Variants in ANKRD45 observed in about 807,000 individuals in gnomAD.
The protein encoded by ANKRD45 is ankyrin repeat domain-containing protein 45.
Under a neutral mutation model 28.1 loss-of-function variants are expected in ANKRD45, and 21 were observed. The ratio of observed to expected loss-of-function variants is 0.75; its 90% confidence interval spans 0.53 to 1.08. The LOEUF is 1.08. ANKRD45 is among the 50% of genes least tolerant of loss of function. ANKRD45 has a pLI of 0.00. For missense variants in ANKRD45, 261 were observed against 308.7 expected (o/e 0.85, Z 1.16); for synonymous variants, 86 against 103.9 (o/e 0.83, Z 1.05).
chr1:173,671,576 T>C (rs760513709), upstream of ANKRD45, among the ~76,000 whole-genome samples: 9 of 151,828 alleles, frequency 5.9e-5, no homozygotes, highest in Non-Finnish European at 1.3e-4. Context: ...TATGCCACCA[T>C]ATAAAACCCT....
the ANKRD45 span, among the ~76,000 whole-genome samples, chr1:173,677,754 C>T: frequency 2.6e-5 from 4 of 151,926 alleles, no homozygotes; most frequent in East Asian, 1.9e-4. Context: ...GAAAGATACA[C>T]GGATGTAATA....
chr1:173,627,369 G>A lies in ANKRD45; in HGVS notation c.497-210C>T, dbSNP rs146741314. Among the ~76,000 whole-genome samples the A allele has an allele frequency of 6.5e-3, 991 of 152,306 alleles. 6 individuals are homozygous for A. Among genetic ancestry groups the A allele is most frequent in the Non-Finnish European group, 0.01 (684 of 68,028 alleles). ...ACATCATATTAAGGAAAGAGGCACTGAAGAGGGTAGGAAAGACAGTTTTGA... is the reference window on the plus strand; with the variant it reads ...ACATCATATTAAGGAAAGAGGCACTAAAGAGGGTAGGAAAGACAGTTTTGA... On this transcript the variant is annotated intron_variant, in intron 3 of 5. Coordinates refer to ENST00000333279, the MANE Select transcript of ANKRD45 (RefSeq NM_198493.3).
intron 3 of ANKRD45, chr1:173,636,949 G>T (rs1353405313): frequency 6.5e-7 from 1 of 1,535,608 alleles, no homozygotes; most frequent in Admixed American, 2.0e-5. Context: ...AGATCTGGGA[G>T]CACAGGTCTC....
intron 2 of ANKRD45, among the ~76,000 whole-genome samples, chr1:173,656,729 G>C (rs1342126159): frequency 1.3e-5 from 2 of 152,018 alleles, no homozygotes; most frequent in African/African-American, 4.8e-5. Context: ...GCTCTTGCTG[G>C]AACCTCTATT....
intron 1 of ANKRD45, among the ~76,000 whole-genome samples, chr1:173,668,571 ATCT>A (rs1324709748): frequency 6.6e-6 from 1 of 152,202 alleles, no homozygotes; most frequent in East Asian, 1.9e-4. Flanking sequence ...CCAGGGCACC[ATCT>A]CAAGGAAAGA....
the ANKRD45 span, among the ~76,000 whole-genome samples, chr1:173,688,746 T>C: frequency 2.0e-5 from 3 of 146,958 alleles, 1 homozygote; most frequent in African/African-American, 7.9e-5. Context: ...TTCCTCTCTC[T>C]CTTTCTGCCT....
chr1:173,624,708 A>G, intron 5 of ANKRD45, 79 bp downstream of exon 5: 1 of 1,422,286 alleles, frequency 7.0e-7, no homozygotes, highest in Non-Finnish European at 9.6e-7. Flanking sequence ...TGTTAAAATC[A>G]GAATATCTCA....
intron 3 of ANKRD45, among the ~76,000 whole-genome samples, chr1:173,629,714 T>TAG (rs959592606): frequency 3.3e-5 from 5 of 151,442 alleles, no homozygotes; most frequent in African/African-American, 9.7e-5. Context: ...AAAGAGGAGG[T>TAG]AGAGAGAGAG....
chr1:173,670,508 T>G (rs575662713), upstream of ANKRD45, among the ~76,000 whole-genome samples: 105 of 152,342 alleles, frequency 6.9e-4, no homozygotes, highest in Non-Finnish European at 1.0e-3. Flanking sequence ...TTACTGTTTC[T>G]ACCAAGAGTC....
At chr1:173,707,954 T>G in the ANKRD45 span, among the ~76,000 whole-genome samples, 1 of 152,228 alleles carries the variant, frequency 6.6e-6, no homozygotes. Flanking sequence ...CATACTAAAT[T>G]TCCTTATGTT....
chr1:173,617,161 A>G (rs1432524991), intron 5 of ANKRD45, among the ~76,000 whole-genome samples: 1 of 152,148 alleles, frequency 6.6e-6, no homozygotes, highest in African/African-American at 2.4e-5. Context: ...AGGCTCACAC[A>G]GAGACCCAGG....
the ANKRD45 span, among the ~76,000 whole-genome samples, chr1:173,694,533 G>A: frequency 1.0e-5 from 1 of 95,958 alleles, no homozygotes; most frequent in African/African-American, 4.3e-5. Context: ...AACTTAAGAA[G>A]TTTATTATTA....
In ANKRD45 at chr1:173,659,358, C is replaced by T. The variant is rs1669684287; in HGVS notation, c.61G>A (p.Glu21Lys). The change falls in exon 2 of 6, where the codon GAA becomes AAA. Residue 21 changes from glutamate to lysine, a missense_variant. Coordinates refer to ENST00000333279, the MANE Select transcript of ANKRD45 (RefSeq NM_198493.3). ...SSEFFSQQEE[E>K]NEEEEAQEPE... ...TCTTGGGCTTCTTCTTCTTCATTTT[C>T]CTCTTCTTGCTGTGAGAAAAATTCT... is the stretch of plus-strand genomic sequence containing the variant. The T allele has an allele frequency of 6.2e-7, 1 of 1,611,080 alleles. No homozygotes were observed. The highest frequency in any genetic ancestry group is 8.5e-7 in the Non-Finnish European group (1 of 1,179,138).
chr1:173,670,307 G>A (rs924357868), upstream of ANKRD45, among the ~76,000 whole-genome samples: 3 of 152,102 alleles, frequency 2.0e-5, no homozygotes, highest in Non-Finnish European at 4.4e-5. Context: ...TCTTGATTCA[G>A]AAATTCAAGA....
chr1:173,663,692 C>T (rs1257668690), intron 1 of ANKRD45, among the ~76,000 whole-genome samples: 1 of 152,188 alleles, frequency 6.6e-6, no homozygotes, highest in Non-Finnish European at 1.5e-5. Flanking sequence ...CACTGGATTT[C>T]AAGCATAATA....
intron 5 of ANKRD45, among the ~76,000 whole-genome samples, chr1:173,615,858 C>A (rs1667441256): frequency 6.6e-6 from 1 of 152,092 alleles, no homozygotes; most frequent in African/African-American, 2.4e-5. Context: ...AATCCCAGCA[C>A]TTTGGGAGGC....
chr1:173,680,378 C>T, the ANKRD45 span, among the ~76,000 whole-genome samples: 3 of 152,050 alleles, frequency 2.0e-5, no homozygotes, highest in Non-Finnish European at 2.9e-5. Context: ...GATGAGTCCA[C>T]GTCCTTGGCA....
At chr1:173,709,652 G>A in the ANKRD45 span, among the ~76,000 whole-genome samples, 2 of 150,562 alleles carry the variant, frequency 1.3e-5, no homozygotes, top group African/African-American at 4.9e-5. Flanking sequence ...TTTTCTTTTA[G>A]ACAGGGCCTT....
At chr1:173,682,934 CCTCT>C in the ANKRD45 span, among the ~76,000 whole-genome samples, 1 of 132,158 alleles carries the variant, frequency 7.6e-6, no homozygotes, top group Non-Finnish European at 1.5e-5. Context: ...AAAAATCTTG[CCTCT>C]CTCTTTTTTT....
Sources: allele counts gnomAD v4.1 joint callset (sites outside exome capture counted in the v4.1 genomes callset), GRCh38; gene constraint gnomAD v4.1.1; transcripts MANE v1.5; gene names NCBI Gene and HGNC (gene_info 2026-07-23, HGNC 2026-07-21).